The following TP53BP1 variants were observed in gnomAD, a reference collection of about 807,000 sequenced individuals.
TP53BP1 encodes the protein TP53-binding protein 1.
Under a neutral mutation model 200.8 loss-of-function variants are expected in TP53BP1, and 61 were observed. The observed-to-expected ratio is 0.30, with a 90% CI of 0.25 to 0.38. TP53BP1 has a LOEUF of 0.38. TP53BP1 is among the 10% of genes least tolerant of loss of function. The pLI is 1.00. For missense variants in TP53BP1, 2,144 were observed against 2,371.9 expected, an observed-to-expected ratio of 0.90 and a Z score of 2.00; for synonymous variants, 822 against 844.3, an observed-to-expected ratio of 0.97 and a Z score of 0.46.
chr15:43,434,811 G>A (rs1288774898), intron 16 of TP53BP1, among the ~76,000 whole-genome samples: 3 of 152,190 alleles, frequency 2.0e-5, no homozygotes, highest in Non-Finnish European at 4.4e-5. Context: ...CACCTCAGAA[G>A]CTGTTTATTC....
At chr15:43,437,673 G>A (rs2045829337) in intron 16 of TP53BP1, among the ~76,000 whole-genome samples, 1 of 152,046 alleles carries the variant, frequency 6.6e-6, no homozygotes, top group Non-Finnish European at 1.5e-5. Flanking sequence ...ACAACTGGCA[G>A]ATAAAGACAA....
chr15:43,416,269 T>C lies in TP53BP1; in HGVS notation c.4829A>G (p.Tyr1610Cys), dbSNP rs967580819. Reference protein sequence around the residue: ...RLREQYGLGPYEAVTPLTKAA... With the variant: ...RLREQYGLGPCEAVTPLTKAA... ...CTTTGTAAGAGGTGTTACTGCTTCA[T>C]AGGGGCCAAGCCCATACTGCTCTCT... The change falls in exon 22 of 28, where the codon TAT (tyrosine) becomes TGT (cysteine). Residue 1610 changes from tyrosine (Y) to cysteine (C), a missense_variant. Transcript: ENST00000382044. 2.5e-6 allele frequency: 4 copies of C among 1,614,194 alleles called. No individual in the cohort carries two copies. The highest frequency in any genetic ancestry group is 3.4e-6 in the Non-Finnish European group (4 of 1,180,022).
At chr15:43,418,363 G>A (rs2045316711) in intron 21 of TP53BP1, among the ~76,000 whole-genome samples, 1 of 150,986 alleles carries the variant, frequency 6.6e-6, no homozygotes, top group Non-Finnish European at 1.5e-5. Context: ...TTAGCCAGGT[G>A]TGGTGGTGCG....
intron 11 of TP53BP1, among the ~76,000 whole-genome samples, chr15:43,463,046 G>A (rs944196659): frequency 6.6e-6 from 1 of 152,094 alleles, no homozygotes; most frequent in Non-Finnish European, 1.5e-5. Context: ...GACAGAGTGA[G>A]ACTCCATCTC....
intron 12 of TP53BP1, among the ~76,000 whole-genome samples, chr15:43,454,754 CAG>C (rs2046254992): frequency 6.6e-6 from 1 of 151,750 alleles, no homozygotes; most frequent in Non-Finnish European, 1.5e-5. Context: ...TTTTGGGAAA[CAG>C]AGTCTCACTC....
chr15:43,404,690 A>G lies in TP53BP1; in HGVS notation c.*2693T>C. On this transcript the variant is annotated 3_prime_UTR_variant, in exon 28 of 28. Transcript: ENST00000382044. ...AAGGCTTAGAGATAGAGGTGTGACC[A>G]TCTTTAATAATTTTAATGGAGGTTA... 2 of 892,128 alleles carry G rather than the reference A, an allele frequency of 2.2e-6. No individual in the cohort carries two copies. Among genetic ancestry groups the G allele is most frequent in the East Asian group, 2.6e-5 (1 of 38,142 alleles). 55.3% of individuals were successfully genotyped at this position (892,128 alleles called of 1,614,324 possible).
intron 21 of TP53BP1, among the ~76,000 whole-genome samples, chr15:43,419,532 G>A (rs966297005): frequency 6.7e-5 from 7 of 103,708 alleles, no homozygotes; most frequent in African/African-American, 2.6e-4. Context: ...GCTAATTTAT[G>A]TTCCTTTTTT....
Position 43,404,699 on chromosome 15 carries a change from A to C in TP53BP1, c.*2684T>G. 1.2e-6 allele frequency: 1 copy of C among 828,568 alleles called. No homozygotes were observed. The highest frequency in any genetic ancestry group is 1.8e-6 in the Non-Finnish European group (1 of 547,148). The allele number at this position is 828,568 out of a possible 1,614,324, so 51.3% of individuals were successfully genotyped here. A position where few individuals can be genotyped will look rare whatever the true frequency, so the allele number is the denominator to read the frequency against. The stretch of plus-strand genomic sequence containing the variant: ...AGATAGAGGTGTGACCATCTTTAAT[A>C]ATTTTAATGGAGGTTATTTTCTAGT... On this transcript the variant is annotated 3_prime_UTR_variant, in exon 28 of 28. Transcript: ENST00000382044.
chr15:43,440,737 A>G (rs773712585), intron 15 of TP53BP1, among the ~76,000 whole-genome samples: 8 of 151,774 alleles, frequency 5.3e-5, no homozygotes, highest in Non-Finnish European at 1.0e-4. Context: ...AAAAATACAA[A>G]AATTAGCCAG....
chr15:43,424,507 G>A (rs1319475629), intron 18 of TP53BP1, among the ~76,000 whole-genome samples: 2 of 152,150 alleles, frequency 1.3e-5, no homozygotes, highest in African/African-American at 4.8e-5. Context: ...CAGAATAGTT[G>A]TTAAGAATTA....
intron 13 of TP53BP1, chr15:43,446,888 G>A (rs1265892859): frequency 8.1e-6 from 8 of 986,482 alleles, no homozygotes; most frequent in African/African-American, 4.9e-5. Context: ...GACTCCAGAC[G>A]GCATGATTGT....
Position 43,446,377 on chromosome 15 carries a change from T to A in TP53BP1, c.3040+10A>T. ...AGCTACTAATTACCCAAGATTAACA[T>A]AAAACTTACTTTCCAGGTTGAACTG... On this transcript the variant is annotated intron_variant, in intron 14 of 27. Transcript: ENST00000382044. 1 of 1,612,124 alleles carries A rather than the reference T, an allele frequency of 6.2e-7. No individual in the cohort carries two copies. Among genetic ancestry groups the A allele is most frequent in the Non-Finnish European group, 8.5e-7 (1 of 1,178,384 alleles).
chr15:43,479,382 G>C lies in TP53BP1; in HGVS notation c.788+15C>G. The C allele has an allele frequency of 6.3e-7, 1 of 1,582,302 alleles. No homozygotes were observed. The highest frequency in any genetic ancestry group is 1.2e-5 in the South Asian group (1 of 86,084). On this transcript the variant is annotated intron_variant, in intron 7 of 27. Coordinates refer to ENST00000382044, the MANE Select transcript of TP53BP1 (RefSeq NM_001141980.3). ...CAGCAAAACTCGTAAATCCTTTTTA[G>C]AAAGTTCGGCTTACCTTGCAGGTGG...
intron 4 of TP53BP1, among the ~76,000 whole-genome samples, chr15:43,481,515 T>A (rs1472960879): frequency 6.6e-6 from 1 of 151,666 alleles, no homozygotes; most frequent in Non-Finnish European, 1.5e-5. Flanking sequence ...ACTTATTTTT[T>A]TTTTAAGAGA....
chr15:43,499,573 C>T (rs1220901180), intron 1 of TP53BP1, among the ~76,000 whole-genome samples: 2 of 152,198 alleles, frequency 1.3e-5, no homozygotes, highest in East Asian at 3.8e-4. Context: ...GTCTCAAAGG[C>T]TGATCTGGAC....
intron 12 of TP53BP1, among the ~76,000 whole-genome samples, chr15:43,454,485 T>A (rs1167482664): frequency 6.6e-6 from 1 of 151,762 alleles, no homozygotes; most frequent in African/African-American, 2.4e-5. Flanking sequence ...TGTCTCAGCC[T>A]CCCGAGTAGC....
Position 43,432,472 on chromosome 15 carries a change from G to T in TP53BP1, c.3397C>A (p.Gln1133Lys). ...EAMVTDVLEDQKEGRSTNKEN... is the reference protein window; with the variant it reads ...EAMVTDVLEDKKEGRSTNKEN... ...TTATTAGTACTCCGTCCTTCTTTCTGGTCTTCTAGCACATCTGTCACCATT... is the reference window on the plus strand; with the variant it reads ...TTATTAGTACTCCGTCCTTCTTTCTTGTCTTCTAGCACATCTGTCACCATT... The change falls in exon 17 of 28, where the codon CAG becomes AAG. Residue 1133 changes from glutamine (Q) to lysine (K), a missense_variant. Physicochemically the swap from Gln to Lys is moderately conservative, Grantham distance 53 (BLOSUM62 1). Transcript: ENST00000382044. The T allele has an allele frequency of 6.2e-7, 1 of 1,614,082 alleles. No homozygotes were observed. The highest frequency in any genetic ancestry group is 1.7e-5 in the Admixed American group (1 of 60,004).
chr15:43,421,882 C>G lies in TP53BP1; in HGVS notation c.4073G>C (p.Ser1358Thr). 5.0e-6 allele frequency: 8 copies of G among 1,614,210 alleles called. No homozygotes were observed. Among genetic ancestry groups the G allele is most frequent in the Non-Finnish European group, 6.8e-6 (8 of 1,180,032 alleles). ...GTEPADFALP[S>T]SRGGPGKLSP... ...CAGTTTTCCTGGGCCTCCTCGGGAG[C>G]TGGGTAAGGCAAAATCTGCGGGTTC... The change falls in exon 19 of 28, where the codon AGC becomes ACC. Residue 1358 changes from serine to threonine, a missense_variant. By Grantham distance (58) the Ser-to-Thr change is moderately conservative. Transcript: ENST00000382044.
chr15:43,491,824 A>G, intron 3 of TP53BP1, 71 bp from the exon 4 acceptor site: 3 of 1,303,990 alleles, frequency 2.3e-6, no homozygotes, highest in Non-Finnish European at 3.3e-6. Context: ...TCAGGAATAC[A>G]GACAATACCA....
Sources: gnomAD v4.1 joint callset for allele counts (sites outside exome capture counted in the v4.1 genomes callset) on GRCh38, gnomAD v4.1.1 for gene constraint, MANE v1.5 for transcripts, NCBI Gene and HGNC (gene_info 2026-07-23, HGNC 2026-07-21) for gene names.